KCNIP4: variants seen among roughly 807,000 people sequenced by gnomAD.
KCNIP4 encodes the protein Kv channel-interacting protein 4.
Under a neutral mutation model 34.0 loss-of-function variants are expected in KCNIP4, and 12 were observed. The ratio of observed to expected loss-of-function variants is 0.35; its 90% CI spans 0.23 to 0.57. The LOEUF is 0.57. KCNIP4 is among the 20% of genes least tolerant of loss of function. The probability of loss-of-function intolerance (pLI) is 0.83; values close to 1 mark genes in which losing one functional copy is unlikely to be tolerated. For synonymous variants in KCNIP4, 124 were observed against 102.2 expected (o/e 1.21, Z -1.29); for missense variants, 238 against 311.7 (o/e 0.76, Z 1.78).
chr4:21,546,782 G>A (rs1254989378), intron 1 of KCNIP4, among the ~76,000 whole-genome samples: 1 of 151,944 alleles, frequency 6.6e-6, no homozygotes, highest in East Asian at 1.9e-4. Context: ...TATAATGTGG[G>A]AAAACATAGA....
intron 2 of KCNIP4, among the ~76,000 whole-genome samples, chr4:20,880,616 C>T (rs1231164765): frequency 6.6e-6 from 1 of 152,114 alleles, no homozygotes; most frequent in Non-Finnish European, 1.5e-5. Context: ...TGACAATTTT[C>T]TACTTCTCTA....
At chr4:21,744,796 T>C (rs1293767204) in intron 1 of KCNIP4, among the ~76,000 whole-genome samples, 1 of 152,194 alleles carries the variant, frequency 6.6e-6, no homozygotes, top group Admixed American at 6.6e-5. Flanking sequence ...ACATACCTTG[T>C]AAGTCAATAT....
chr4:20,789,127 C>G (rs917788553), intron 3 of KCNIP4, among the ~76,000 whole-genome samples: 1 of 151,994 alleles, frequency 6.6e-6, no homozygotes, highest in Non-Finnish European at 1.5e-5. Flanking sequence ...TGCTATTGCC[C>G]AGAGTGGAAA....
At chr4:21,099,497 G>C (rs1335957912) in intron 1 of KCNIP4, among the ~76,000 whole-genome samples, 1 of 152,050 alleles carries the variant, frequency 6.6e-6, no homozygotes, top group Non-Finnish European at 1.5e-5. Flanking sequence ...AGGAAAAATA[G>C]CTAATGGATG....
intron 1 of KCNIP4, among the ~76,000 whole-genome samples, chr4:20,965,055 T>C (rs540319421): frequency 2.0e-5 from 3 of 152,156 alleles, no homozygotes; most frequent in Admixed American, 6.5e-5. Context: ...AACATAAGAA[T>C]GTAATTAAGT....
At chr4:20,947,638 C>T (rs952646450) in intron 1 of KCNIP4, among the ~76,000 whole-genome samples, 1 of 152,182 alleles carries the variant, frequency 6.6e-6, no homozygotes, top group Admixed American at 6.5e-5. Context: ...AACCTAAATA[C>T]AGAGAAGCCT....
chr4:21,046,892 C>T (rs1742477089), intron 1 of KCNIP4, among the ~76,000 whole-genome samples: 1 of 152,166 alleles, frequency 6.6e-6, no homozygotes, highest in South Asian at 2.1e-4. Flanking sequence ...CGCGCCTGGT[C>T]AGTTGCTAGC....
At position 20,801,740 on chromosome 4, in the gene KCNIP4, C is replaced by A. The variant is rs78137235; in HGVS notation, c.289-42850G>T. Among the ~76,000 whole-genome samples the A allele has an allele frequency of 3.3e-3, 504 of 151,878 alleles. 11 individuals are homozygous for A. The East Asian group carries it at 0.063, about 19-fold the overall frequency. On this transcript the variant is annotated intron_variant, in intron 3 of 8. Coordinates refer to ENST00000382152, the MANE Select transcript of KCNIP4 (RefSeq NM_025221.6). ...AGCTTAATACTACAGAAAATTATAC[C>A]ACAATGATAGACAACAAGAGAGGAA... is the stretch of plus-strand genomic sequence containing the variant.
At chr4:21,015,687 TTAATA>T (rs1031581965) in intron 1 of KCNIP4, among the ~76,000 whole-genome samples, 20 of 131,462 alleles carry the variant, frequency 1.5e-4, no homozygotes, top group Admixed American at 4.2e-4. Flanking sequence ...GTATATTGCA[TTAATA>T]TAATATAATA....
chr4:21,779,011 T>TGAGAGA (rs34076146), intron 1 of KCNIP4, among the ~76,000 whole-genome samples: 8 of 147,804 alleles, frequency 5.4e-5, no homozygotes, highest in Admixed American at 1.4e-4. Flanking sequence ...TGTGTGGGCA[T>TGAGAGA]GAGAGAGAGA....
At chr4:21,466,209 A>G (rs987042922) in intron 1 of KCNIP4, among the ~76,000 whole-genome samples, 3 of 152,074 alleles carry the variant, frequency 2.0e-5, no homozygotes, top group African/African-American at 7.2e-5. Flanking sequence ...ACCCTGCAAG[A>G]CTCTGCCCAG....
intron 1 of KCNIP4, among the ~76,000 whole-genome samples, chr4:21,824,576 C>A (rs1722559710): frequency 6.6e-6 from 1 of 152,090 alleles, no homozygotes; most frequent in African/African-American, 2.4e-5. Context: ...TCATTTCCAA[C>A]CTGACCAATC....
intron 1 of KCNIP4, chr4:21,303,798 C>A: frequency 6.2e-7 from 1 of 1,610,242 alleles, no homozygotes; most frequent in Non-Finnish European, 8.5e-7. Flanking sequence ...CTAAAAAGCA[C>A]TCCCTTACCT....
intron 1 of KCNIP4, among the ~76,000 whole-genome samples, chr4:21,034,382 A>G (rs1258181333): frequency 6.6e-6 from 1 of 152,170 alleles, no homozygotes; most frequent in Non-Finnish European, 1.5e-5. Flanking sequence ...AAATAACCCA[A>G]GCTGTGTTGA....
chr4:21,746,113 T>G (rs1716760770), intron 1 of KCNIP4, among the ~76,000 whole-genome samples: 1 of 152,148 alleles, frequency 6.6e-6, no homozygotes. Context: ...TTGTGTTGTC[T>G]GTGTCCTAAT....
At position 20,988,000 on chromosome 4, in the gene KCNIP4, CAAAAAA is replaced by C. The variant is rs36044149; in HGVS notation, c.62-105297_62-105292del. 2.6e-3 allele frequency among the ~76,000 whole-genome samples: 121 copies of C among 46,336 alleles called. 1 individual carries two copies. The highest frequency in any genetic ancestry group is 9.1e-3 in the African/African-American group (107 of 11,818). The allele number at this position is 46,336 out of a possible 152,430, so 30.4% of individuals were successfully genotyped here. ...TGGGCGACACGGCGAGATTCCATCT[CAAAAAA>C]AAAAAAAAAAAAAAAATTATAGATA... On this transcript the variant is annotated intron_variant, in intron 1 of 8. Coordinates refer to ENST00000382152, the MANE Select transcript of KCNIP4 (RefSeq NM_025221.6).
intron 3 of KCNIP4, among the ~76,000 whole-genome samples, chr4:20,760,918 G>A (rs1754907263): frequency 6.6e-6 from 1 of 152,198 alleles, no homozygotes; most frequent in African/African-American, 2.4e-5. Context: ...GTGTCCAAGT[G>A]TTTGGTCAAG....
rs376590317 is a variant in KCNIP4, at chr4:21,370,850, T to TACACACAC, written c.62-488149_62-488142dup. On this transcript the variant is annotated intron_variant, in intron 1 of 8. Transcript: ENST00000382152. ...ATATATATATATATATATATATATATACACACACACACACACACACACACA... is the reference window on the plus strand; with the variant it reads ...ATATATATATATATATATATATATATACACACACACACACACACACACACACACACACA... Among the ~76,000 whole-genome samples, 117 of 14,840 alleles carry TACACACAC rather than the reference T, an allele frequency of 7.9e-3. 2 individuals carry two copies. The highest frequency in any genetic ancestry group is 0.019 in the African/African-American group (64 of 3,348). 9.7% of individuals were successfully genotyped at this position (14,840 alleles called of 152,430 possible). A position where few individuals can be genotyped will look rare whatever the true frequency, so the allele number is the denominator to read the frequency against.
At chr4:21,407,742 A>G (rs562971072) in intron 1 of KCNIP4, among the ~76,000 whole-genome samples, 89 of 152,260 alleles carry the variant, frequency 5.8e-4, no homozygotes, top group African/African-American at 2.0e-3. Flanking sequence ...TTCCATTGCC[A>G]CTTTTTATTT....
Sources: gnomAD v4.1 joint callset for allele counts (sites outside exome capture counted in the v4.1 genomes callset) on GRCh38, gnomAD v4.1.1 for gene constraint, MANE v1.5 for transcripts, NCBI Gene and HGNC (gene_info 2026-07-23, HGNC 2026-07-21) for gene names.